The following HIVEP1 variants were observed in gnomAD, a reference collection of about 807,000 sequenced individuals.
HIVEP1 encodes the protein zinc finger protein 40.
In HIVEP1, 36 loss-of-function variants were observed where a neutral mutation model predicts 180.0. The ratio of observed to expected loss-of-function variants is 0.20; its 90% CI spans 0.15 to 0.26. HIVEP1 has a LOEUF of 0.26. Ranked by LOEUF, HIVEP1 falls within the 10% of genes least tolerant of loss-of-function variation. HIVEP1 has a pLI of 1.00. For synonymous variants in HIVEP1, 1,239 were observed against 1,239.0 expected (o/e 1.00, Z 0.00); for missense variants, 3,143 against 3,268.7 (o/e 0.96, Z 0.94).
intron 2 of HIVEP1, among the ~76,000 whole-genome samples, chr6:12,057,608 A>G (rs1012228018): frequency 6.6e-6 from 1 of 152,188 alleles, no homozygotes; most frequent in African/African-American, 2.4e-5. Flanking sequence ...ACTGTGTTAT[A>G]GTCTCATGAA....
upstream of HIVEP1, among the ~76,000 whole-genome samples, chr6:12,011,383 G>A (rs893917420): frequency 6.7e-6 from 1 of 148,320 alleles, no homozygotes; most frequent in Non-Finnish European, 1.5e-5. Context: ...GTAAAGAGAC[G>A]GTAAAGAGAA....
chr6:12,074,784 G>C (rs934907553), intron 2 of HIVEP1, among the ~76,000 whole-genome samples: 1 of 151,864 alleles, frequency 6.6e-6, no homozygotes, highest in Non-Finnish European at 1.5e-5. Flanking sequence ...TGATGGATCA[G>C]TATTGGAGTA....
At chr6:12,179,864 T>C in the HIVEP1 span, among the ~76,000 whole-genome samples, 2 of 152,066 alleles carry the variant, frequency 1.3e-5, no homozygotes, top group Non-Finnish European at 2.9e-5. Context: ...TACTTATTTA[T>C]TATTTATAAA....
chr6:12,047,304 T>C (rs1331426541), intron 2 of HIVEP1, among the ~76,000 whole-genome samples: 3 of 152,250 alleles, frequency 2.0e-5, no homozygotes, highest in Non-Finnish European at 4.4e-5. Flanking sequence ...GTGTAGCCCT[T>C]GTACAGTGAT....
At chr6:12,198,549 T>A in the HIVEP1 span, among the ~76,000 whole-genome samples, 1 of 152,180 alleles carries the variant, frequency 6.6e-6, no homozygotes, top group Non-Finnish European at 1.5e-5. Flanking sequence ...GCAGCTTACA[T>A]TGTAGTGGTA....
At chr6:12,086,882 C>T (rs975376497) in intron 2 of HIVEP1, among the ~76,000 whole-genome samples, 9 of 151,998 alleles carry the variant, frequency 5.9e-5, no homozygotes, top group Non-Finnish European at 1.5e-5. Flanking sequence ...CAGTTAAGAG[C>T]GTGTAGTAAA....
At chr6:12,174,252 T>C in the HIVEP1 span, among the ~76,000 whole-genome samples, 1 of 152,160 alleles carries the variant, frequency 6.6e-6, no homozygotes, top group African/African-American at 2.4e-5. Flanking sequence ...AACTTTTGAA[T>C]TCATAATATT....
chr6:12,065,868 G>T (rs1771542140), intron 2 of HIVEP1, among the ~76,000 whole-genome samples: 1 of 152,134 alleles, frequency 6.6e-6, no homozygotes, highest in Non-Finnish European at 1.5e-5. Flanking sequence ...GCTATTTTTG[G>T]TTTGACTGGT....
intron 2 of HIVEP1, among the ~76,000 whole-genome samples, chr6:12,080,817 C>A (rs181072122): frequency 1.3e-3 from 199 of 152,270 alleles, no homozygotes; most frequent in African/African-American, 4.5e-3. Flanking sequence ...TGTTCCTAAT[C>A]ACCTTTGCTA....
intron 6 of HIVEP1, among the ~76,000 whole-genome samples, chr6:12,131,941 T>C (rs1758446022): frequency 6.6e-6 from 1 of 152,130 alleles, no homozygotes; most frequent in African/African-American, 2.4e-5. Context: ...ATTTTTTGGC[T>C]AGTATTTATG....
At chr6:12,170,230 T>G in the HIVEP1 span, among the ~76,000 whole-genome samples, 1 of 151,906 alleles carries the variant, frequency 6.6e-6, no homozygotes, top group African/African-American at 2.4e-5. Context: ...ATGCAAGGTA[T>G]CTTGAATGGC....
chr6:12,173,070 A>G, the HIVEP1 span, among the ~76,000 whole-genome samples: 4 of 152,174 alleles, frequency 2.6e-5, no homozygotes, highest in Non-Finnish European at 5.9e-5. Context: ...TAAAAGAGCA[A>G]TCCAAAGTGA....
chr6:12,164,051 C>T lies in HIVEP1; in HGVS notation c.7747C>T (p.Pro2583Ser). The T allele has an allele frequency of 1.2e-6, 2 of 1,614,162 alleles. No individual in the cohort carries two copies. Among genetic ancestry groups the T allele is most frequent in the Non-Finnish European group, 8.5e-7 (1 of 1,180,044 alleles). The change falls in exon 9 of 9, where the codon CCC becomes TCC. Residue 2583 changes from proline to serine, a missense_variant. This residue lies in a region of HIVEP1 where 595 missense variants were observed against 602.2 expected (regional missense o/e 0.99). Coordinates refer to ENST00000379388, the MANE Select transcript of HIVEP1 (RefSeq NM_002114.4). ...CCAAAGCAAAGCATGCGAGACACAA[C>T]CCAAGCAGACTTCTGTAGCCAGCGC... is the stretch of plus-strand genomic sequence containing the variant. ...ASQSKACETQ[P>S]KQTSVASANQ...
intron 2 of HIVEP1, among the ~76,000 whole-genome samples, chr6:12,051,896 GA>G (rs1770567323): frequency 6.6e-6 from 1 of 152,084 alleles, no homozygotes; most frequent in Admixed American, 6.5e-5. Flanking sequence ...GTGGCTTTCT[GA>G]AAAATTATTC....
Position 12,120,956 on chromosome 6 carries a change from A to C in HIVEP1, c.1161A>C (p.Val387=). ...THVASVVNQS[V]EQMCNLLLKD... The stretch of plus-strand genomic sequence containing the variant: ...TTGCCTCTGTTGTTAATCAAAGCGT[A>C]GAGCAAATGTGCAATCTTCTTCTGA... The change falls in exon 4 of 9, where the codon GTA becomes GTC. Residue 387 remains valine, a synonymous_variant. Coordinates refer to ENST00000379388, the MANE Select transcript of HIVEP1 (RefSeq NM_002114.4). The C allele has an allele frequency of 6.2e-7, 1 of 1,614,200 alleles. No homozygotes were observed. Among genetic ancestry groups the C allele is most frequent in the Non-Finnish European group, 8.5e-7 (1 of 1,180,022 alleles).
intron 2 of HIVEP1, among the ~76,000 whole-genome samples, chr6:12,059,836 A>G (rs568263261): frequency 6.6e-6 from 1 of 152,262 alleles, no homozygotes; most frequent in South Asian, 2.1e-4. Flanking sequence ...CCTAAACTGT[A>G]GGGTACGTAG....
chr6:12,060,331 C>G (rs568084184), intron 2 of HIVEP1, among the ~76,000 whole-genome samples: 1 of 152,154 alleles, frequency 6.6e-6, no homozygotes, highest in African/African-American at 2.4e-5. Flanking sequence ...AAATATATAT[C>G]TGGGAAATAA....
intron 2 of HIVEP1, among the ~76,000 whole-genome samples, chr6:12,075,364 A>G (rs1772282789): frequency 6.6e-6 from 1 of 152,222 alleles, no homozygotes; most frequent in Admixed American, 6.5e-5. Flanking sequence ...TGGTGTGTGC[A>G]AACCTGACTC....
intron 2 of HIVEP1, among the ~76,000 whole-genome samples, chr6:12,052,860 A>G (rs1256470133): frequency 1.3e-5 from 2 of 152,238 alleles, no homozygotes; most frequent in Non-Finnish European, 2.9e-5. Context: ...TTTAATTGAT[A>G]AAACAATCAT....
Sources: allele counts gnomAD v4.1 joint callset (sites outside exome capture counted in the v4.1 genomes callset), GRCh38; gene constraint gnomAD v4.1.1; regional missense constraint gnomAD v4.1.1; transcripts MANE v1.5; gene names NCBI Gene and HGNC (gene_info 2026-07-23, HGNC 2026-07-21).